Variants in PRAG1 observed in about 807,000 individuals in gnomAD.
The protein encoded by PRAG1 is inactive tyrosine-protein kinase PRAG1.
A neutral mutation model predicts 95.6 loss-of-function variants in PRAG1; 110 were observed. The ratio of observed to expected loss-of-function variants is 1.15; its 90% CI spans 0.99 to 1.35. PRAG1 has a LOEUF of 1.35. PRAG1 is among the 40% of genes most tolerant of loss of function. The pLI, the probability that PRAG1 is intolerant of heterozygous loss-of-function variation, is 0.00. For synonymous variants in PRAG1, 1,052 were observed against 819.4 expected, an observed-to-expected ratio of 1.28 and a Z score of -4.85; for missense variants, 2,554 against 1,864.7, an observed-to-expected ratio of 1.37 and a Z score of -6.81.
At position 8,341,931 on chromosome 8, in the gene PRAG1, G is replaced by A. The variant is rs547858809; in HGVS notation, c.2163-2296C>T. 4.0e-4 allele frequency among the ~76,000 whole-genome samples: 61 copies of A among 152,144 alleles called. 1 individual carries two copies. The highest frequency in any genetic ancestry group is 1.4e-3 in the African/African-American group (59 of 41,510). ...GCAGATCACTTGAGGTAGGGAGTTC[G>A]AGACCGGCCTGGCCAACAGGCCAAC... On this transcript the variant is annotated intron_variant, in intron 3 of 5. Transcript: ENST00000615670.
chr8:8,363,655 G>A (rs1174264644), intron 3 of PRAG1, among the ~76,000 whole-genome samples: 1 of 152,114 alleles, frequency 6.6e-6, no homozygotes. Context: ...ACAACAAATG[G>A]AAACTACTAT....
chr8:8,374,961 C>T lies in PRAG1; in HGVS notation c.2162+1286G>A, dbSNP rs976043532. The stretch of plus-strand genomic sequence containing the variant: ...TGACTCGAGAAAGTCTGTTCAGAAA[C>T]GCTGTAATTTTTTGAAAAACAGTAG... On this transcript the variant is annotated intron_variant, in intron 3 of 5. Coordinates refer to ENST00000615670, the MANE Select transcript of PRAG1 (RefSeq NM_001080826.3). 2.6e-5 allele frequency among the ~76,000 whole-genome samples: 4 copies of T among 151,914 alleles called. No homozygotes were observed. The East Asian group carries it at 5.8e-4, about 22-fold the overall frequency.
chr8:8,385,672 A>G (rs1490236577), intron 1 of PRAG1, among the ~76,000 whole-genome samples: 2 of 152,190 alleles, frequency 1.3e-5, no homozygotes, highest in Non-Finnish European at 2.9e-5. Flanking sequence ...AAACGCACAC[A>G]CCGTGAGCTG....
At chr8:8,374,211 T>G (rs1800305933) in intron 3 of PRAG1, among the ~76,000 whole-genome samples, 1 of 152,206 alleles carries the variant, frequency 6.6e-6, no homozygotes, top group African/African-American at 2.4e-5. Context: ...CTCCAGACTC[T>G]CAGTTTAGAG....
chr8:8,348,272 C>A (rs1385735378), intron 3 of PRAG1, among the ~76,000 whole-genome samples: 1 of 152,180 alleles, frequency 6.6e-6, no homozygotes, highest in Non-Finnish European at 1.5e-5. Context: ...GACTCAAAAT[C>A]TTTGTAAAAT....
rs1425429565 is a variant in PRAG1, at chr8:8,319,085, T to C, written c.3290A>G (p.His1097Arg). 6.2e-7 allele frequency: 1 copy of C among 1,611,008 alleles called. No individual in the cohort carries two copies. Among genetic ancestry groups the C allele is most frequent in the Admixed American group, 1.7e-5 (1 of 59,972 alleles). Reference protein sequence around the residue: ...CVVVITREVPHQTASDFVRDS... With the variant: ...CVVVITREVPRQTASDFVRDS... ...CCGCACGAAGTCGGAGGCGGTCTGA[T>C]GTGGCACCTCTCGGGTGATGACCAC... Residue 1097 changes from histidine to arginine, a missense_variant, in exon 6 of 6, where the codon CAT becomes CGT. Transcript: ENST00000615670.
intron 3 of PRAG1, among the ~76,000 whole-genome samples, chr8:8,364,473 T>G (rs1799941975): frequency 6.6e-6 from 1 of 152,200 alleles, no homozygotes; most frequent in African/African-American, 2.4e-5. Flanking sequence ...GATGGCATCC[T>G]CAGTTCAACA....
intron 4 of PRAG1, among the ~76,000 whole-genome samples, chr8:8,337,628 T>C (rs1288119242): frequency 6.6e-6 from 1 of 152,210 alleles, no homozygotes; most frequent in Non-Finnish European, 1.5e-5. Flanking sequence ...ACAAGGTACA[T>C]ATCTTCTTGT....
rs1461025396 is a variant in PRAG1 at position 8,327,916 on chromosome 8, C to G, written c.2866G>C (p.Gly956Arg). 1.2e-6 allele frequency: 2 copies of G among 1,613,918 alleles called. No individual in the cohort carries two copies. Among genetic ancestry groups the G allele is most frequent in the Non-Finnish European group, 1.7e-6 (2 of 1,179,910 alleles). The change falls in exon 5 of 6, where the codon GGG (glycine) becomes CGG (arginine). Residue 956 changes from glycine (G) to arginine (R), a missense_variant. Gly to Arg is a moderately radical substitution (Grantham distance 125). Transcript: ENST00000615670. ...GCCAGGGACTGGGTGTAGAGTCCCC[C>G]CAGCTTGGCATAGGTGCCCTCCTTG... ...SSKEGTYAKL[G>R]GLYTQSLARL... is the part of the protein sequence containing the mutation.
chr8:8,366,673 C>A (rs1181856159), intron 3 of PRAG1, among the ~76,000 whole-genome samples: 1 of 144,122 alleles, frequency 6.9e-6, no homozygotes, highest in Non-Finnish European at 1.5e-5. Context: ...TGAGATTTTG[C>A]ACTTTATTTT....
chr8:8,322,217 G>A (rs1159341661), intron 5 of PRAG1, among the ~76,000 whole-genome samples: 1 of 152,070 alleles, frequency 6.6e-6, no homozygotes, highest in East Asian at 1.9e-4. Context: ...GAGTCTCTCT[G>A]TCGCCCAGGC....
intron 4 of PRAG1, among the ~76,000 whole-genome samples, chr8:8,330,237 A>G (rs2980498): frequency 0.22 from 32,865 of 151,890 alleles, 3,977 homozygotes; most frequent in African/African-American, 0.33. Flanking sequence ...GTGGTGGTGC[A>G]TGCCTATAAT....
At chr8:8,374,484 C>G (rs562233242) in intron 3 of PRAG1, 1 of 200,684 alleles carries the variant, frequency 5.0e-6, no homozygotes, top group African/African-American at 2.4e-5. Flanking sequence ...CAGCAGGAAC[C>G]TTAGGCTGGT....
chr8:8,342,119 A>G (rs1406037847), intron 3 of PRAG1, among the ~76,000 whole-genome samples: 1 of 152,070 alleles, frequency 6.6e-6, no homozygotes, highest in Non-Finnish European at 1.5e-5. Flanking sequence ...TGACAGAGTG[A>G]AACTGTGTCT....
At chr8:8,344,597 T>C (rs1463261860) in intron 3 of PRAG1, among the ~76,000 whole-genome samples, 4 of 152,126 alleles carry the variant, frequency 2.6e-5, no homozygotes, top group Non-Finnish European at 5.9e-5. Flanking sequence ...AATGGCAAAA[T>C]GTTAATATTT....
At chr8:8,385,273 C>A (rs1196896811) in intron 1 of PRAG1, among the ~76,000 whole-genome samples, 3 of 152,200 alleles carry the variant, frequency 2.0e-5, no homozygotes, top group South Asian at 2.1e-4. Context: ...AAAGTGACAA[C>A]TTTACCACCC....
At chr8:8,348,756 C>T (rs1799426584) in intron 3 of PRAG1, among the ~76,000 whole-genome samples, 1 of 152,190 alleles carries the variant, frequency 6.6e-6, no homozygotes, top group African/African-American at 2.4e-5. Context: ...TGACACTGCA[C>T]TGAGTCTGAA....
chr8:8,380,640 G>C (rs1481732704), intron 2 of PRAG1, among the ~76,000 whole-genome samples: 1 of 152,030 alleles, frequency 6.6e-6, no homozygotes, highest in Non-Finnish European at 1.5e-5. Flanking sequence ...CAGATCACAA[G>C]GTCAAGAGAT....
intron 3 of PRAG1, among the ~76,000 whole-genome samples, chr8:8,341,580 C>T (rs1413547988): frequency 2.0e-5 from 3 of 152,146 alleles, no homozygotes; most frequent in African/African-American, 4.8e-5. Context: ...TTATTAAATG[C>T]CTTTTCTACA....
Sources: gnomAD v4.1 joint callset for allele counts (sites outside exome capture counted in the v4.1 genomes callset) on GRCh38, gnomAD v4.1.1 for gene constraint, MANE v1.5 for transcripts, NCBI Gene and HGNC (gene_info 2026-07-23, HGNC 2026-07-21) for gene names.